The following PDGFRA variants were observed in gnomAD, a reference collection of about 807,000 sequenced individuals.
PDGFRA encodes the protein platelet derived growth factor receptor alpha, also known as platelet-derived growth factor receptor alpha.
In PDGFRA, 25 loss-of-function variants were observed where a neutral mutation model predicts 121.5. That is an observed-to-expected ratio of 0.21 (90% CI 0.15 to 0.29). PDGFRA has a LOEUF of 0.29. Ranked by LOEUF, PDGFRA falls within the 10% of genes least tolerant of loss-of-function variation. PDGFRA has a pLI of 1.00. For synonymous variants in PDGFRA, 463 were observed against 494.8 expected (o/e 0.94, Z 0.85); for missense variants, 1,008 against 1,345.1 (o/e 0.75, Z 3.92).
At chr4:54,246,966 TAGA>T (rs1187356769) in intron 1 of PDGFRA, among the ~76,000 whole-genome samples, 1 of 152,006 alleles carries the variant, frequency 6.6e-6, no homozygotes, top group East Asian at 1.9e-4. Context: ...CTAGAAAATC[TAGA>T]AGAAGTGGAT....
At chr4:54,265,363 C>CA in intron 5 of PDGFRA, 1 of 341,412 alleles carries the variant, frequency 2.9e-6, no homozygotes, top group South Asian at 2.7e-5. Context: ...ATTAGAAGAG[C>CA]AAAAAAACCA....
chr4:54,234,535 A>C (rs917776994), intron 1 of PDGFRA, among the ~76,000 whole-genome samples: 2 of 152,192 alleles, frequency 1.3e-5, no homozygotes, highest in East Asian at 3.9e-4. Context: ...TTTTTTGCTC[A>C]GTAGGACCGT....
Position 54,267,471 on chromosome 4 carries a change from C to T in PDGFRA, c.931+11C>T. On this transcript the variant is annotated intron_variant, in intron 6 of 22. Coordinates refer to ENST00000257290, the MANE Select transcript of PDGFRA (RefSeq NM_006206.6). ...CTATTTCTGTCCATGGTACATTCCG[C>T]TTTCTAAAATGTCAGTTGTCCATGC... 6.2e-7 allele frequency: 1 copy of T among 1,614,064 alleles called. No individual in the cohort carries two copies. Among genetic ancestry groups the T allele is most frequent in the East Asian group, 2.2e-5 (1 of 44,872 alleles).
At chr4:54,287,390 G>T (rs2110340901) in intron 18 of PDGFRA, 40 bp from the exon 19 acceptor site, 1 of 820,596 alleles carries the variant, frequency 1.2e-6, no homozygotes. Flanking sequence ...GATCATCAGT[G>T]AGTAGACATG....
rs757111915 is a variant in PDGFRA at position 54,296,238 on chromosome 4, GAAAC to G, written c.*974_*977del. The G allele has an allele frequency of 4.3e-5, 10 of 232,712 alleles. No individual in the cohort carries two copies. The highest frequency in any genetic ancestry group is 8.5e-5 in the Non-Finnish European group (10 of 117,876). The allele number at this position is 232,712 out of a possible 1,614,324, so 14.4% of individuals were successfully genotyped here. Reference sequence around the variant, plus strand: ...ACTGCCCTCTGAAATAATGGGATTAGAAACAAACAAAACTCTTAAGTCCTAAAAG... The same window carrying G: ...ACTGCCCTCTGAAATAATGGGATTAGAAACAAAACTCTTAAGTCCTAAAAG... On this transcript the variant is annotated 3_prime_UTR_variant, in exon 23 of 23. Coordinates refer to ENST00000257290, the MANE Select transcript of PDGFRA (RefSeq NM_006206.6).
intron 1 of PDGFRA, among the ~76,000 whole-genome samples, chr4:54,249,639 G>A (rs989993402): frequency 1.3e-5 from 2 of 152,028 alleles, no homozygotes; most frequent in Admixed American, 6.6e-5. Flanking sequence ...CTGTTGTGGG[G>A]TGGGGGTAGT....
At chr4:54,246,241 C>T (rs1428071682) in intron 1 of PDGFRA, among the ~76,000 whole-genome samples, 1 of 152,268 alleles carries the variant, frequency 6.6e-6, no homozygotes, top group South Asian at 2.1e-4. Flanking sequence ...CAGAACTCTC[C>T]ACCCCAAATC....
chr4:54,290,597 CT>C lies in PDGFRA; in HGVS notation c.3122+44del, dbSNP rs753113782. On this transcript the variant is annotated intron_variant, in intron 22 of 22. Coordinates refer to ENST00000257290, the MANE Select transcript of PDGFRA (RefSeq NM_006206.6). ...CTCGGTGTCTCACCTTTCCCCTCCC[CT>C]ATAGGCCCTGAAGGAGAGGACCCAT... The C allele has an allele frequency of 6.8e-6, 11 of 1,611,342 alleles. No individual in the cohort carries two copies. The East Asian group carries it at 2.0e-4, about 29-fold the overall frequency.
chr4:54,236,051 GT>G (rs1248983226), intron 1 of PDGFRA, among the ~76,000 whole-genome samples: 7 of 152,322 alleles, frequency 4.6e-5, no homozygotes, highest in African/African-American at 1.7e-4. Context: ...AGGGCGGGGG[GT>G]CTCTTTCTCA....
At chr4:54,272,829 T>G (rs1039596396) in intron 9 of PDGFRA, among the ~76,000 whole-genome samples, 1 of 152,230 alleles carries the variant, frequency 6.6e-6, no homozygotes, top group Non-Finnish European at 1.5e-5. Flanking sequence ...CATGTAAACA[T>G]AAATGTGACT....
At position 54,272,439 on chromosome 4, in the gene PDGFRA, C is replaced by G. The variant is rs762651640; in HGVS notation, c.1283C>G (p.Thr428Ser). 2.5e-6 allele frequency: 4 copies of G among 1,613,842 alleles called. No homozygotes were observed. Among genetic ancestry groups the G allele is most frequent in the Middle Eastern group, 1.6e-4 (1 of 6,084 alleles). The change falls in exon 9 of 23, where the codon ACT becomes AGT. Residue 428 changes from threonine to serine, a missense_variant. Coordinates refer to ENST00000257290, the MANE Select transcript of PDGFRA (RefSeq NM_006206.6). Reference sequence around the variant, plus strand: ...TTGGTCGATGATCACCATGGCTCAACTGGGGGACAGACGGTGAGGTGCACA... The same window carrying G: ...TTGGTCGATGATCACCATGGCTCAAGTGGGGGACAGACGGTGAGGTGCACA... ...LDLVDDHHGS[T>S]GGQTVRCTAE... is the part of the protein sequence containing the mutation.
intron 11 of PDGFRA, 29 bp downstream of exon 11, chr4:54,274,654 C>T (rs2110297388): frequency 1.3e-6 from 2 of 1,563,620 alleles, no homozygotes; most frequent in Non-Finnish European, 1.8e-6. Context: ...AACTAAAGAT[C>T]TTTGAAGCCA....
At position 54,280,877 on chromosome 4, in the gene PDGFRA, C is replaced by A. The variant is rs867738604; in HGVS notation, c.2323+395C>A. On this transcript the variant is annotated intron_variant, in intron 16 of 22. Coordinates refer to ENST00000257290, the MANE Select transcript of PDGFRA (RefSeq NM_006206.6). ...TTAATGCCCTTACTTGGCAGAATTA[C>A]AAGTTGGCTGTCTTATGTTGGTTCC... 28 of 172,952 alleles carry A rather than the reference C, an allele frequency of 1.6e-4. No individual in the cohort carries two copies. The Middle Eastern group carries it at 0.015, about 95-fold the overall frequency. The allele number at this position is 172,952 out of a possible 1,614,324, so 10.7% of individuals were successfully genotyped here.
At chr4:54,264,720 T>C (rs1722936374) in intron 4 of PDGFRA, 199 bp from the exon 5 acceptor site, 2 of 524,994 alleles carry the variant, frequency 3.8e-6, no homozygotes, top group Non-Finnish European at 6.8e-6. Context: ...TTTGTAATTC[T>C]GTATTATAAC....
chr4:54,253,529 T>C (rs1177040695), intron 1 of PDGFRA, among the ~76,000 whole-genome samples: 2 of 152,190 alleles, frequency 1.3e-5, no homozygotes, highest in Non-Finnish European at 2.9e-5. Flanking sequence ...TCAGTTTGTT[T>C]CTCTAAGTTA....
At chr4:54,276,588 A>ATATGGTATAATAAAATATGGGGAAAT in intron 12 of PDGFRA, among the ~76,000 whole-genome samples, 1 of 152,196 alleles carries the variant, frequency 6.6e-6, no homozygotes, top group Non-Finnish European at 1.5e-5. Flanking sequence ...ATATGGGGAA[A>ATATGGTATAATAAAATATGGGGAAAT]AGGGCATAAT....
intron 12 of PDGFRA, among the ~76,000 whole-genome samples, chr4:54,275,388 A>G (rs1352563834): frequency 6.6e-6 from 1 of 152,238 alleles, no homozygotes; most frequent in Non-Finnish European, 1.5e-5. Flanking sequence ...TCCTTTTTAC[A>G]TATTTGGAAT....
At chr4:54,255,892 T>C (rs1307467135) in intron 1 of PDGFRA, among the ~76,000 whole-genome samples, 7 of 152,100 alleles carry the variant, frequency 4.6e-5, no homozygotes, top group Non-Finnish European at 8.8e-5. Context: ...CCAAAGTCAG[T>C]GATGGAACAA....
chr4:54,235,554 G>A (rs1414667726), intron 1 of PDGFRA, among the ~76,000 whole-genome samples: 5 of 152,238 alleles, frequency 3.3e-5, no homozygotes, highest in Non-Finnish European at 5.9e-5. Context: ...CTCTGTTTCT[G>A]TGACTGTATA....
Sources: gnomAD v4.1 joint callset for allele counts (sites outside exome capture counted in the v4.1 genomes callset) on GRCh38, gnomAD v4.1.1 for gene constraint, MANE v1.5 for transcripts, NCBI Gene and HGNC (gene_info 2026-07-23, HGNC 2026-07-21) for gene names.